EFNA5: variants seen among roughly 807,000 people sequenced by gnomAD.
EFNA5 encodes ephrin A5, also known as ephrin-A5.
EFNA5 carries 5 observed loss-of-function variants against 22.9 expected under a neutral mutation model. The ratio of observed to expected loss-of-function variants is 0.22; its 90% CI spans 0.11 to 0.46. The LOEUF (loss-of-function observed/expected upper bound fraction) is 0.46. EFNA5 is among the 20% of genes least tolerant of loss of function. The pLI, the probability that EFNA5 is intolerant of heterozygous loss-of-function variation, is 0.99. For missense variants in EFNA5, 237 were observed against 293.3 expected (o/e 0.81, Z 1.40); for synonymous variants, 113 against 112.2 (o/e 1.01, Z -0.04).
At chr5:107,618,050 C>A (rs1749959894) in intron 1 of EFNA5, among the ~76,000 whole-genome samples, 1 of 152,036 alleles carries the variant, frequency 6.6e-6, no homozygotes, top group African/African-American at 2.4e-5. Context: ...ACCCAGCACA[C>A]AACCTACAAT....
intron 2 of EFNA5, among the ~76,000 whole-genome samples, chr5:107,399,660 G>T (rs368984878): frequency 6.5e-4 from 99 of 152,278 alleles, no homozygotes; most frequent in African/African-American, 2.2e-3. Context: ...TAATCATGAA[G>T]ATCAGAGAAA....
chr5:107,538,759 C>T (rs769621260), intron 1 of EFNA5, among the ~76,000 whole-genome samples: 7 of 152,168 alleles, frequency 4.6e-5, no homozygotes, highest in Non-Finnish European at 5.9e-5. Context: ...ACGCTATGTT[C>T]GTAATTTTGT....
intron 1 of EFNA5, among the ~76,000 whole-genome samples, chr5:107,492,316 C>T (rs1746829173): frequency 6.6e-6 from 1 of 152,108 alleles, no homozygotes; most frequent in African/African-American, 2.4e-5. Context: ...ATCTAAAACA[C>T]TGCACCTGGA....
At chr5:107,572,138 C>A (rs910004476) in intron 1 of EFNA5, among the ~76,000 whole-genome samples, 2 of 151,992 alleles carry the variant, frequency 1.3e-5, no homozygotes, top group African/African-American at 4.8e-5. Context: ...AGAGAACGTG[C>A]GTGATGTGAG....
chr5:107,387,168 GA>G (rs372259535), intron 4 of EFNA5, 66 bp downstream of exon 4: 16 of 1,189,164 alleles, frequency 1.3e-5, no homozygotes, highest in African/African-American at 1.5e-5. Flanking sequence ...AAGAAGAAAG[GA>G]AAAAAATACG....
Position 107,550,749 on chromosome 5 carries a change from G to A in EFNA5, c.125+119740C>T, listed in dbSNP as rs562268315. On this transcript the variant is annotated intron_variant, in intron 1 of 4. Transcript: ENST00000333274. ...TGTCTCAGCTGAAGTCTCGTCAAAT[G>A]CCACTACTTGATAATCTGCAATGTG... Among the ~76,000 whole-genome samples the A allele has an allele frequency of 2.0e-5, 3 of 152,206 alleles. No homozygotes were observed. The East Asian group carries it at 5.8e-4, about 29-fold the overall frequency.
intron 1 of EFNA5, among the ~76,000 whole-genome samples, chr5:107,507,040 CAT>C (rs1747268594): frequency 6.6e-6 from 1 of 151,838 alleles, no homozygotes; most frequent in Admixed American, 6.6e-5. Context: ...AGAGAAGTAA[CAT>C]AAAATGATCA....
rs76087741 is a variant in EFNA5, at chr5:107,584,875, C to T, written c.125+85614G>A. Among the ~76,000 whole-genome samples the T allele has an allele frequency of 2.7e-3, 415 of 152,266 alleles. 4 individuals carry two copies. The highest frequency in any genetic ancestry group is 9.7e-3 in the African/African-American group (402 of 41,564). ...AGAGGTTTGACCCATTGCAGGCACT[C>T]AGTAATTGAGGCAAGGGCAGAAGTG... is the stretch of plus-strand genomic sequence containing the variant. On this transcript the variant is annotated intron_variant, in intron 1 of 4. Transcript: ENST00000333274.
intron 1 of EFNA5, among the ~76,000 whole-genome samples, chr5:107,466,206 T>A (rs906929883): frequency 6.6e-6 from 1 of 152,192 alleles, no homozygotes; most frequent in African/African-American, 2.4e-5. Flanking sequence ...GCTTCTTTCA[T>A]GATACCAAAG....
intron 1 of EFNA5, among the ~76,000 whole-genome samples, chr5:107,664,981 T>C (rs1751037962): frequency 2.6e-5 from 4 of 152,188 alleles, no homozygotes; most frequent in African/African-American, 9.6e-5. Flanking sequence ...TGGTATCTTA[T>C]AAAAAATTTT....
rs534545724 is a variant in EFNA5 at position 107,473,922 on chromosome 5, G to A, written c.126-46413C>T. ...GATCCGCCTTTCTCGGCCTCCCAAA[G>A]TGCTGGGATTACAGGCATGAGCCAC... On this transcript the variant is annotated intron_variant, in intron 1 of 4. Coordinates refer to ENST00000333274, the MANE Select transcript of EFNA5 (RefSeq NM_001962.3). 2.6e-5 allele frequency among the ~76,000 whole-genome samples: 4 copies of A among 152,146 alleles called. No homozygotes were observed. The South Asian group carries it at 8.3e-4, about 32-fold the overall frequency.
chr5:107,417,760 A>T (rs2112409977), intron 2 of EFNA5, among the ~76,000 whole-genome samples: 1 of 152,304 alleles, frequency 6.6e-6, no homozygotes, highest in East Asian at 1.9e-4. Context: ...ATTTCTACAT[A>T]TCTCTGGCTG....
At chr5:107,518,840 T>G (rs1487513409) in intron 1 of EFNA5, among the ~76,000 whole-genome samples, 1 of 152,180 alleles carries the variant, frequency 6.6e-6, no homozygotes, top group Non-Finnish European at 1.5e-5. Flanking sequence ...ATCTTTTTGT[T>G]CTACTTGAAT....
At chr5:107,613,114 G>A (rs1749854686) in intron 1 of EFNA5, among the ~76,000 whole-genome samples, 1 of 151,680 alleles carries the variant, frequency 6.6e-6, no homozygotes. Context: ...AAAAGATGAA[G>A]GAAAACCTTG....
chr5:107,638,647 G>T (rs1040165119), intron 1 of EFNA5, among the ~76,000 whole-genome samples: 2 of 152,176 alleles, frequency 1.3e-5, no homozygotes, highest in African/African-American at 4.8e-5. Context: ...TATACAGAAG[G>T]ATGTGCATAT....
intron 2 of EFNA5, among the ~76,000 whole-genome samples, chr5:107,405,459 A>G (rs888896548): frequency 1.2e-4 from 18 of 152,222 alleles, no homozygotes; most frequent in African/African-American, 4.3e-4. Context: ...CTTAAAGTCA[A>G]TAAGGTACAC....
At chr5:107,572,800 T>A (rs1748845317) in intron 1 of EFNA5, among the ~76,000 whole-genome samples, 1 of 152,182 alleles carries the variant, frequency 6.6e-6, no homozygotes, top group Non-Finnish European at 1.5e-5. Context: ...CACCTAATTC[T>A]TTGTCATTTT....
At chr5:107,466,868 C>T (rs1004826558) in intron 1 of EFNA5, among the ~76,000 whole-genome samples, 7 of 152,006 alleles carry the variant, frequency 4.6e-5, no homozygotes, top group African/African-American at 1.4e-4. Flanking sequence ...AAATGGAAGG[C>T]GCTATACTAG....
chr5:107,398,428 T>C (rs931432971), intron 2 of EFNA5, among the ~76,000 whole-genome samples: 33 of 152,304 alleles, frequency 2.2e-4, no homozygotes, highest in Middle Eastern at 6.8e-3. Flanking sequence ...GAGTTGCAAA[T>C]TCCCCCAAAG....
Sources: allele counts gnomAD v4.1 joint callset (sites outside exome capture counted in the v4.1 genomes callset), GRCh38; gene constraint gnomAD v4.1.1; transcripts MANE v1.5; gene names NCBI Gene and HGNC (gene_info 2026-07-23, HGNC 2026-07-21).